The following CMC2 variants were observed in gnomAD, a reference collection of about 807,000 sequenced individuals.
CMC2 encodes the protein COX assembly mitochondrial protein 2 homolog.
A neutral mutation model predicts 7.5 loss-of-function variants in CMC2; 5 were observed. That is an observed-to-expected ratio of 0.66 (90% CI 0.35 to 1.40). The LOEUF is 1.40. CMC2 is among the 40% of genes most tolerant of loss of function. The pLI is 0.04. For missense variants in CMC2, 115 were observed against 92.3 expected, an observed-to-expected ratio of 1.25 and a Z score of -1.01; for synonymous variants, 37 against 31.4, an observed-to-expected ratio of 1.18 and a Z score of -0.60.
intron 1 of CMC2, among the ~76,000 whole-genome samples, chr16:81,003,762 TAGTG>T (rs1424278954): frequency 6.8e-6 from 1 of 146,652 alleles, no homozygotes; most frequent in Non-Finnish European, 1.5e-5. Context: ...AGTGTGGAAA[TAGTG>T]AGTCTGTCAA....
intron 3 of CMC2, chr16:80,980,847 A>G (rs1459323047): frequency 8.6e-6 from 6 of 700,162 alleles, no homozygotes; most frequent in Non-Finnish European, 1.6e-5. Flanking sequence ...CGATCACCCT[A>G]CTGCACTCCA....
At chr16:80,982,013 G>GT (rs767342057) in intron 2 of CMC2, 136 bp from the exon 3 acceptor site, 1 of 564,100 alleles carries the variant, frequency 1.8e-6, no homozygotes, top group Non-Finnish European at 3.1e-6. Flanking sequence ...TAAATCACAT[G>GT]TATAAAACAC....
At position 80,975,180 on chromosome 16, in the gene CMC2, G is replaced by A. The variant is rs904284746; in HGVS notation, c.*913C>T. On this transcript the variant is annotated 3_prime_UTR_variant, in exon 4 of 4. Coordinates refer to ENST00000219400, the MANE Select transcript of CMC2 (RefSeq NM_020188.5). Reference sequence around the variant, plus strand: ...GAAGAACAGTCCTATACTCAGCAGAGAGGAGACACACTGGCCTAAGGTTAA... The same window carrying A: ...GAAGAACAGTCCTATACTCAGCAGAAAGGAGACACACTGGCCTAAGGTTAA... 3 of 152,270 alleles carry A rather than the reference G, an allele frequency of 2.0e-5. No individual in the cohort carries two copies. The highest frequency in any genetic ancestry group is 4.4e-5 in the Non-Finnish European group (3 of 68,058). 9.4% of individuals were successfully genotyped at this position (152,270 alleles called of 1,614,324 possible). A position where few individuals can be genotyped will look rare whatever the true frequency, so the allele number is the denominator to read the frequency against.
Position 80,974,350 on chromosome 16 carries a change from A to T in CMC2, c.*1743T>A, listed in dbSNP as rs1402678711. ...TTTATCCCCCAAACTATAACCAAAA[A>T]AACTTACTAAAATACAAATTGAAAT... On this transcript the variant is annotated 3_prime_UTR_variant, in exon 4 of 4. Coordinates refer to ENST00000219400, the MANE Select transcript of CMC2 (RefSeq NM_020188.5). 2 of 152,110 alleles carry T rather than the reference A, an allele frequency of 1.3e-5. No homozygotes were observed. Among genetic ancestry groups the T allele is most frequent in the African/African-American group, 2.4e-5 (1 of 41,412 alleles). 9.4% of individuals were successfully genotyped at this position (152,110 alleles called of 1,614,324 possible).
At position 80,968,115 on chromosome 16, in the gene CMC2, A is replaced by G. The variant is rs1597199509; in HGVS notation, c.*7978T>C. The G allele has an allele frequency of 6.6e-6, 1 of 152,228 alleles. No homozygotes were observed. The highest frequency in any genetic ancestry group is 1.9e-4 in the East Asian group (1 of 5,202). 9.4% of individuals were successfully genotyped at this position (152,228 alleles called of 1,614,324 possible). ...TTTTATGGAAGGCAGTTACATCAGA[A>G]AGAGTCTAAGTCAATGCTTCTCCAA... On this transcript the variant is annotated 3_prime_UTR_variant, in exon 4 of 4. Coordinates refer to ENST00000219400, the MANE Select transcript of CMC2 (RefSeq NM_020188.5).
chr16:80,976,196 G>A lies in CMC2; in HGVS notation c.154-17C>T, dbSNP rs756277382. ...TTCTACGTACTGAAAAATAAAAGAA[G>A]GGGGGGAGAAAAGAAACAGCAGATT... On this transcript the variant is annotated splice_polypyrimidine_tract_variant and intron_variant, in intron 3 of 3. Transcript: ENST00000219400. 5 of 1,406,410 alleles carry A rather than the reference G, an allele frequency of 3.6e-6. No homozygotes were observed. The highest frequency in any genetic ancestry group is 2.3e-5 in the East Asian group (1 of 42,970). 87.1% of individuals were successfully genotyped at this position (1,406,410 alleles called of 1,614,324 possible). A position where few individuals can be genotyped will look rare whatever the true frequency, so the allele number is the denominator to read the frequency against.
intron 2 of CMC2, among the ~76,000 whole-genome samples, chr16:80,990,385 G>T (rs1967886291): frequency 1.3e-5 from 2 of 152,070 alleles, no homozygotes; most frequent in African/African-American, 4.8e-5. Context: ...GGCCAGGCTG[G>T]TCTCAAACTC....
intron 2 of CMC2, among the ~76,000 whole-genome samples, chr16:80,995,969 C>T (rs1358882978): frequency 6.6e-6 from 1 of 150,896 alleles, no homozygotes. Flanking sequence ...TCCAGTGATT[C>T]AAGAAGCCAC....
At position 80,971,799 on chromosome 16, in the gene CMC2, T is replaced by C. The variant is rs371468561; in HGVS notation, c.*4294A>G. Reference sequence around the variant, plus strand: ...ATAGCAGCTATGTGAGTGTTCGTATTAGTCTGTATAGTTTTCTGTAAACCT... The same window carrying C: ...ATAGCAGCTATGTGAGTGTTCGTATCAGTCTGTATAGTTTTCTGTAAACCT... On this transcript the variant is annotated 3_prime_UTR_variant, in exon 4 of 4. Transcript: ENST00000219400. The C allele has an allele frequency of 5.9e-5, 9 of 152,150 alleles. No individual in the cohort carries two copies. The highest frequency in any genetic ancestry group is 5.2e-4 in the Admixed American group (8 of 15,278). The allele number at this position is 152,150 out of a possible 1,614,324, so 9.4% of individuals were successfully genotyped here. A position where few individuals can be genotyped will look rare whatever the true frequency, so the allele number is the denominator to read the frequency against.
In CMC2 at chr16:80,997,314, A is replaced by AATT; in HGVS notation, c.80_81insAAT (p.Asn27delinsLysIle). Reference sequence around the variant, plus strand: ...TACAGTCGTTTTTCTGAACTCTTACATTTTTGTGACATTCCTTAAGCAAGT... The same window carrying AATT: ...TACAGTCGTTTTTCTGAACTCTTACAATTTTTTTGTGACATTCCTTAAGCAAGT... On this transcript the variant is annotated protein_altering_variant and splice_region_variant, in exon 2 of 4. Transcript: ENST00000219400. The AATT allele has an allele frequency of 1.3e-6, 2 of 1,551,206 alleles. No homozygotes were observed. The highest frequency in any genetic ancestry group is 1.8e-6 in the Non-Finnish European group (2 of 1,123,004).
chr16:80,980,850 G>T (rs1176939744), intron 3 of CMC2: 1 of 699,964 alleles, frequency 1.4e-6, no homozygotes, highest in Non-Finnish European at 2.6e-6. Context: ...TCACCCTACT[G>T]CACTCCAGCT....
At chr16:80,990,899 A>T (rs1392105869) in intron 2 of CMC2, among the ~76,000 whole-genome samples, 1 of 151,480 alleles carries the variant, frequency 6.6e-6, no homozygotes, top group African/African-American at 2.4e-5. Flanking sequence ...AATTTTTTTT[A>T]ATTTTTTCTA....
Position 80,981,669 on chromosome 16 carries a change from A to T in CMC2, c.153+137T>A, listed in dbSNP as rs567994248. On this transcript the variant is annotated intron_variant, in intron 3 of 3. Transcript: ENST00000219400. ...AGCTTTCATTTCTTCCCCTAAACAGAGGAAGTTCATACATGTAAAGTCAAT... is the reference window on the plus strand; with the variant it reads ...AGCTTTCATTTCTTCCCCTAAACAGTGGAAGTTCATACATGTAAAGTCAAT... 1.7e-4 allele frequency: 94 copies of T among 563,560 alleles called. No individual in the cohort carries two copies. The African/African-American group carries it at 1.8e-3, about 11-fold the overall frequency. The allele number at this position is 563,560 out of a possible 1,614,324, so 34.9% of individuals were successfully genotyped here.
Position 80,976,007 on chromosome 16 carries a change from G to C in CMC2, c.*86C>G. ...GTCACTTTCCATTCAAAGGATTATGGAGACCAAATAAGACAGGATTCTTTC... is the reference window on the plus strand; with the variant it reads ...GTCACTTTCCATTCAAAGGATTATGCAGACCAAATAAGACAGGATTCTTTC... On this transcript the variant is annotated 3_prime_UTR_variant, in exon 4 of 4. Coordinates refer to ENST00000219400, the MANE Select transcript of CMC2 (RefSeq NM_020188.5). The C allele has an allele frequency of 1.3e-6, 1 of 764,268 alleles. No homozygotes were observed. Among genetic ancestry groups the C allele is most frequent in the Non-Finnish European group, 2.3e-6 (1 of 434,108 alleles). The allele number at this position is 764,268 out of a possible 1,614,324, so 47.3% of individuals were successfully genotyped here.
At chr16:81,005,439 T>A (rs936909104) in intron 1 of CMC2, among the ~76,000 whole-genome samples, 3 of 149,772 alleles carry the variant, frequency 2.0e-5, no homozygotes, top group Admixed American at 6.7e-5. Flanking sequence ...TATATATATA[T>A]AAATAAATAA....
intron 2 of CMC2, chr16:80,992,087 T>C: frequency 2.8e-6 from 1 of 358,186 alleles, no homozygotes; most frequent in Non-Finnish European, 5.6e-6. Flanking sequence ...TGTAAGATGT[T>C]AATAATAAGG....
intron 2 of CMC2, 75 bp downstream of exon 2, chr16:80,997,239 G>A (rs1308972307): frequency 2.6e-5 from 22 of 842,184 alleles, no homozygotes; most frequent in South Asian, 1.4e-4. Flanking sequence ...TTCTATCAAC[G>A]GAGATAACAT....
chr16:80,992,206 A>G (rs1968054865), intron 2 of CMC2, among the ~76,000 whole-genome samples: 1 of 152,210 alleles, frequency 6.6e-6, no homozygotes, highest in Non-Finnish European at 1.5e-5. Context: ...AAAAATTACA[A>G]AACAGCTGTA....
chr16:80,989,718 T>C (rs1967824509), intron 2 of CMC2, among the ~76,000 whole-genome samples: 1 of 152,198 alleles, frequency 6.6e-6, no homozygotes, highest in Admixed American at 6.5e-5. Flanking sequence ...CTACATCTTA[T>C]ATATATTGAA....
Sources: gnomAD v4.1 joint callset for allele counts (sites outside exome capture counted in the v4.1 genomes callset) on GRCh38, gnomAD v4.1.1 for gene constraint, MANE v1.5 for transcripts, NCBI Gene and HGNC (gene_info 2026-07-23, HGNC 2026-07-21) for gene names.